The following ALCAM variants were observed in gnomAD, a reference collection of about 807,000 sequenced individuals.
The protein encoded by ALCAM is activated leukocyte cell adhesion molecule.
In ALCAM, 30 loss-of-function variants were observed where a neutral mutation model predicts 70.9. The ratio of observed to expected loss-of-function variants is 0.42; its 90% CI spans 0.32 to 0.57. ALCAM has a LOEUF of 0.57. Ranked by LOEUF, ALCAM falls within the 20% of genes least tolerant of loss-of-function variation. The pLI is 0.11. For synonymous variants in ALCAM, 249 were observed against 242.5 expected (o/e 1.03, Z -0.25); for missense variants, 591 against 695.1 (o/e 0.85, Z 1.68).
chr3:105,448,944 G>A (rs1432223790), intron 1 of ALCAM, among the ~76,000 whole-genome samples: 1 of 152,182 alleles, frequency 6.6e-6, no homozygotes, highest in Non-Finnish European at 1.5e-5. Context: ...AACAGCTTGA[G>A]TATAAATGAA....
At chr3:105,403,530 G>A (rs530855154) in intron 1 of ALCAM, among the ~76,000 whole-genome samples, 5 of 152,246 alleles carry the variant, frequency 3.3e-5, no homozygotes, top group Non-Finnish European at 4.4e-5. Context: ...CCTAGGAGAA[G>A]GGGGAGAACA....
rs1935996008 is a variant in ALCAM at position 105,397,998 on chromosome 3, G to T, written c.73+30517G>T. Among the ~76,000 whole-genome samples the T allele has an allele frequency of 1.3e-5, 2 of 152,092 alleles. 1 individual carries two copies. Among genetic ancestry groups the T allele is most frequent in the South Asian group, 4.1e-4 (2 of 4,832 alleles). Reference sequence around the variant, plus strand: ...GATAAAGAAAACATGGTCCTATGAAGCTTTTGTTTTGGTGGAATGGTGGTT... The same window carrying T: ...GATAAAGAAAACATGGTCCTATGAATCTTTTGTTTTGGTGGAATGGTGGTT... On this transcript the variant is annotated intron_variant, in intron 1 of 15. Coordinates refer to ENST00000306107, the MANE Select transcript of ALCAM (RefSeq NM_001627.4).
At chr3:105,387,957 C>T (rs1935699635) in intron 1 of ALCAM, among the ~76,000 whole-genome samples, 1 of 151,202 alleles carries the variant, frequency 6.6e-6, no homozygotes, top group African/African-American at 2.4e-5. Context: ...CTTTTTTGTT[C>T]TCATCAGTAT....
At chr3:105,368,223 A>AAGAGAGAGAGAGAGAGATAGAGAGAG (rs1935123416) in intron 1 of ALCAM, among the ~76,000 whole-genome samples, 1 of 67,790 alleles carries the variant, frequency 1.5e-5, no homozygotes. Flanking sequence ...TGAGTCTTGG[A>AAGAGAGAGAGAGAGAGATAGAGAGAG]AGAGAGAGAG....
In ALCAM at chr3:105,367,382, A is replaced by G; in HGVS notation, c.-27A>G. 1 of 1,612,230 alleles carries G rather than the reference A, an allele frequency of 6.2e-7. No individual in the cohort carries two copies. Among genetic ancestry groups the G allele is most frequent in the Non-Finnish European group, 8.5e-7 (1 of 1,178,650 alleles). ...CCCCTCCTGCGGCGTGGACTCCGTC[A>G]GTGGCCCACCAAGAAGGAGGAGGAA... On this transcript the variant is annotated 5_prime_UTR_variant, in exon 1 of 16. Coordinates refer to ENST00000306107, the MANE Select transcript of ALCAM (RefSeq NM_001627.4).
At chr3:105,367,849 C>A (rs2107309405) in intron 1 of ALCAM, among the ~76,000 whole-genome samples, 1 of 152,260 alleles carries the variant, frequency 6.6e-6, no homozygotes, top group South Asian at 2.1e-4. Context: ...CGTCACTGCG[C>A]CCCGAGCAGT....
At chr3:105,419,829 C>T (rs1936599579) in intron 1 of ALCAM, among the ~76,000 whole-genome samples, 1 of 151,694 alleles carries the variant, frequency 6.6e-6, no homozygotes, top group Non-Finnish European at 1.5e-5. Context: ...TAGTGACATA[C>T]AAGTAATTAT....
chr3:105,415,980 T>A (rs1029248064), intron 1 of ALCAM, among the ~76,000 whole-genome samples: 16 of 152,078 alleles, frequency 1.1e-4, no homozygotes, highest in Non-Finnish European at 2.4e-4. Context: ...AGGTATGACA[T>A]GCGCAATTTA....
chr3:105,549,364 A>C (rs1466105639), intron 11 of ALCAM, among the ~76,000 whole-genome samples: 1 of 151,506 alleles, frequency 6.6e-6, no homozygotes, highest in Non-Finnish European at 1.5e-5. Context: ...TCTTGTCCTC[A>C]AGGCACTTAC....
intron 1 of ALCAM, among the ~76,000 whole-genome samples, chr3:105,505,997 T>C (rs185476010): frequency 8.1e-4 from 124 of 152,328 alleles, no homozygotes; most frequent in Non-Finnish European, 1.4e-3. Context: ...CGATTTTTAT[T>C]GATCTTATGT....
intron 1 of ALCAM, among the ~76,000 whole-genome samples, chr3:105,435,163 G>A (rs562025517): frequency 1.3e-5 from 2 of 152,214 alleles, no homozygotes; most frequent in African/African-American, 4.8e-5. Context: ...TCTAAAATAT[G>A]TATTTTTTTA....
intron 1 of ALCAM, among the ~76,000 whole-genome samples, chr3:105,511,881 C>CATT (rs57185658): frequency 0.23 from 35,420 of 151,764 alleles, 4,311 homozygotes; most frequent in East Asian, 0.36. Context: ...CTACTCTGCT[C>CATT]ATTTAGTAGC....
chr3:105,552,239 T>C, intron 13 of ALCAM, 57 bp downstream of exon 13: 2 of 1,495,034 alleles, frequency 1.3e-6, no homozygotes, highest in African/African-American at 1.4e-5. Context: ...ATTTATGAAG[T>C]GTCATGGTAT....
chr3:105,416,088 A>C (rs1247999178), intron 1 of ALCAM, among the ~76,000 whole-genome samples: 1 of 151,992 alleles, frequency 6.6e-6, no homozygotes, highest in Non-Finnish European at 1.5e-5. Context: ...ATTAGCTTCT[A>C]TCTGGCTCCT....
intron 14 of ALCAM, among the ~76,000 whole-genome samples, chr3:105,558,926 G>A (rs1334330097): frequency 6.6e-6 from 1 of 151,904 alleles, no homozygotes; most frequent in African/African-American, 2.4e-5. Flanking sequence ...CTAAGATCTT[G>A]GAGCTCAGAA....
chr3:105,404,640 T>C (rs1262231852), intron 1 of ALCAM, among the ~76,000 whole-genome samples: 1 of 148,124 alleles, frequency 6.8e-6, no homozygotes, highest in African/African-American at 2.5e-5. Flanking sequence ...CCCTAAAGCA[T>C]AAATCTCACA....
intron 1 of ALCAM, among the ~76,000 whole-genome samples, chr3:105,381,522 C>T (rs1016871364): frequency 6.6e-6 from 1 of 151,872 alleles, no homozygotes; most frequent in African/African-American, 2.4e-5. Flanking sequence ...GTCATAGTTC[C>T]CATCTGTTAA....
Position 105,552,315 on chromosome 3 carries a change from A to C in ALCAM, c.1546+133A>C. 2.3e-6 allele frequency: 3 copies of C among 1,289,856 alleles called. No homozygotes were observed. In the South Asian group the frequency reaches 4.1e-5, roughly 18 times the overall value. 79.9% of individuals were successfully genotyped at this position (1,289,856 alleles called of 1,614,324 possible). ...AAATACCAAAGACAAGATAGTAAGA[A>C]TGCTAAAATTTTACCCTTTAAAAAT... On this transcript the variant is annotated intron_variant, in intron 13 of 15. Transcript: ENST00000306107.
At chr3:105,538,560 A>T (rs1009026090) in intron 6 of ALCAM, among the ~76,000 whole-genome samples, 1 of 152,098 alleles carries the variant, frequency 6.6e-6, no homozygotes, top group African/African-American at 2.4e-5. Flanking sequence ...GGGAGTTTTA[A>T]AATAGAGAAG....
Sources: gnomAD v4.1 joint callset for allele counts (sites outside exome capture counted in the v4.1 genomes callset) on GRCh38, gnomAD v4.1.1 for gene constraint, MANE v1.5 for transcripts, NCBI Gene and HGNC (gene_info 2026-07-23, HGNC 2026-07-21) for gene names.